Variants in FRMD4B observed in about 807,000 individuals in gnomAD.
The protein encoded by FRMD4B is FERM domain containing 4B.
In FRMD4B, 74 loss-of-function variants were observed where a neutral mutation model predicts 141.5. The observed-to-expected ratio is 0.52, with a 90% CI of 0.43 to 0.63. The LOEUF (loss-of-function observed/expected upper bound fraction) is 0.63. Among genes scored for constraint, FRMD4B ranks in the 30% least tolerant of loss-of-function variants. The probability of loss-of-function intolerance (pLI) is 0.00; values close to 1 mark genes in which losing one functional copy is unlikely to be tolerated. For missense variants in FRMD4B, 1,366 were observed against 1,253.4 expected (o/e 1.09, Z -1.36); for synonymous variants, 506 against 467.9 (o/e 1.08, Z -1.05).
intron 21 of FRMD4B, among the ~76,000 whole-genome samples, chr3:69,177,947 G>A (rs1175053130): frequency 6.6e-6 from 1 of 152,292 alleles, no homozygotes; most frequent in East Asian, 1.9e-4. Context: ...AAGAGGCGAG[G>A]TGGTAAGTAG....
chr3:69,237,911 T>C (rs1259800884), intron 7 of FRMD4B, among the ~76,000 whole-genome samples: 1 of 152,140 alleles, frequency 6.6e-6, no homozygotes, highest in African/African-American at 2.4e-5. Flanking sequence ...TTTGTATTTT[T>C]ACTAGAGACA....
chr3:69,184,918 T>A (rs2107608512), intron 19 of FRMD4B, among the ~76,000 whole-genome samples: 1 of 152,374 alleles, frequency 6.6e-6, no homozygotes, highest in African/African-American at 2.4e-5. Context: ...TCCTTGGATC[T>A]CTTACCATTT....
chr3:69,351,484 T>C (rs764046846), intron 1 of FRMD4B, among the ~76,000 whole-genome samples: 1 of 152,210 alleles, frequency 6.6e-6, no homozygotes, highest in Non-Finnish European at 1.5e-5. Flanking sequence ...AGACAAGACA[T>C]GTAGTTCTTT....
At chr3:69,382,365 GGGTCTTGCCATGTTGGCCACGCT>G (rs1704138126) in intron 1 of FRMD4B, among the ~76,000 whole-genome samples, 1 of 152,208 alleles carries the variant, frequency 6.6e-6, no homozygotes, top group Admixed American at 6.5e-5. Flanking sequence ...AGTAGAGACG[GGGTCTTGCCATGTTGGCCACGCT>G]GGTCTTGAAC....
intron 11 of FRMD4B, among the ~76,000 whole-genome samples, chr3:69,205,146 G>A (rs893625315): frequency 3.3e-5 from 5 of 149,516 alleles, no homozygotes; most frequent in Admixed American, 2.0e-4. Context: ...GCAGCCATTT[G>A]CGGGATAGGA....
intron 5 of FRMD4B, among the ~76,000 whole-genome samples, chr3:69,264,262 T>G (rs1470545218): frequency 6.6e-6 from 1 of 152,162 alleles, no homozygotes; most frequent in African/African-American, 2.4e-5. Flanking sequence ...CTGTCACCCC[T>G]GCCTAGTAGG....
chr3:69,192,001 C>A (rs906472810), intron 17 of FRMD4B, among the ~76,000 whole-genome samples: 2 of 152,082 alleles, frequency 1.3e-5, no homozygotes, highest in African/African-American at 4.8e-5. Context: ...CTTATTTCAT[C>A]AAATCTAAGA....
chr3:69,435,932 T>C (rs141129193), intron 1 of FRMD4B, among the ~76,000 whole-genome samples: 154 of 152,286 alleles, frequency 1.0e-3, no homozygotes, highest in African/African-American at 3.3e-3. Context: ...CTTCAAGCAC[T>C]ACATAAAAGG....
At chr3:69,205,707 T>C (rs1016549672) in intron 11 of FRMD4B, among the ~76,000 whole-genome samples, 1 of 152,154 alleles carries the variant, frequency 6.6e-6, no homozygotes, top group African/African-American at 2.4e-5. Context: ...GCACAGAATA[T>C]GATGCCCCCA....
At chr3:69,348,159 C>A (rs1329300814) in intron 1 of FRMD4B, among the ~76,000 whole-genome samples, 1 of 152,114 alleles carries the variant, frequency 6.6e-6, no homozygotes, top group Non-Finnish European at 1.5e-5. Context: ...ATATCACCAT[C>A]GATCCCACAG....
At chr3:69,223,260 A>C (rs1474110387) in intron 8 of FRMD4B, among the ~76,000 whole-genome samples, 2 of 152,156 alleles carry the variant, frequency 1.3e-5, no homozygotes, top group Admixed American at 6.5e-5. Flanking sequence ...TCACGTCTGT[A>C]ATCTCAGCAC....
intron 7 of FRMD4B, among the ~76,000 whole-genome samples, chr3:69,231,563 C>T (rs151199952): frequency 3.3e-3 from 510 of 152,368 alleles, no homozygotes; most frequent in Non-Finnish European, 4.2e-3. Flanking sequence ...GCTGGGATTA[C>T]AGGCGTAAGC....
intron 5 of FRMD4B, among the ~76,000 whole-genome samples, chr3:69,266,482 C>G (rs573460891): frequency 1.3e-5 from 2 of 152,032 alleles, no homozygotes; most frequent in Non-Finnish European, 2.9e-5. Flanking sequence ...CCTGCCACCA[C>G]GCCTGGCTAA....
At chr3:69,454,672 CG>C (rs1198882953) in intron 1 of FRMD4B, among the ~76,000 whole-genome samples, 2 of 152,210 alleles carry the variant, frequency 1.3e-5, no homozygotes, top group African/African-American at 2.4e-5. Flanking sequence ...GCCACCTCCC[CG>C]AGGGGCAGGG....
intron 1 of FRMD4B, among the ~76,000 whole-genome samples, chr3:69,349,774 T>G (rs1304356543): frequency 6.6e-6 from 1 of 152,186 alleles, no homozygotes; most frequent in Non-Finnish European, 1.5e-5. Context: ...TAACCATATG[T>G]AGAAAGCTGA....
At chr3:69,442,209 G>A (rs747924223) in intron 1 of FRMD4B, among the ~76,000 whole-genome samples, 2 of 151,784 alleles carry the variant, frequency 1.3e-5, no homozygotes, top group Non-Finnish European at 2.9e-5. Flanking sequence ...AGCCCCCTGA[G>A]TAGCTGGAAT....
intron 1 of FRMD4B, among the ~76,000 whole-genome samples, chr3:69,458,860 AAAAAAAAAAAAAAG>A (rs1705660181): frequency 6.6e-6 from 1 of 151,218 alleles, no homozygotes; most frequent in Non-Finnish European, 1.5e-5. Context: ...AAAAAAAAAA[AAAAAAAAAAAAAAG>A]GAGTCTAATT....
intron 2 of FRMD4B, among the ~76,000 whole-genome samples, chr3:69,416,583 T>G (rs537480210): frequency 7.9e-5 from 12 of 152,332 alleles, no homozygotes; most frequent in African/African-American, 2.6e-4. Flanking sequence ...GTGCAGAATG[T>G]GCAGGTTTGT....
chr3:69,427,006 C>T (rs1316559717), intron 2 of FRMD4B, among the ~76,000 whole-genome samples: 1 of 152,044 alleles, frequency 6.6e-6, no homozygotes, highest in Non-Finnish European at 1.5e-5. Flanking sequence ...TTTCACTCAT[C>T]CCTTAAAAGT....
Sources: allele counts gnomAD v4.1 joint callset (sites outside exome capture counted in the v4.1 genomes callset), GRCh38; gene constraint gnomAD v4.1.1; transcripts MANE v1.5; gene names NCBI Gene and HGNC (gene_info 2026-07-23, HGNC 2026-07-21).